Variants in SHQ1 observed in about 807,000 individuals in gnomAD.
The protein encoded by SHQ1 is protein SHQ1 homolog.
In SHQ1, 49 loss-of-function variants were observed where a neutral mutation model predicts 53.8. The ratio of observed to expected loss-of-function variants is 0.91; its 90% CI spans 0.72 to 1.16. The LOEUF (loss-of-function observed/expected upper bound fraction) is 1.16, where lower values mean the gene tolerates loss of function less well. Among genes scored for constraint, SHQ1 ranks in the 50% most tolerant of loss-of-function variants. The pLI is 0.00. For synonymous variants in SHQ1, 243 were observed against 251.0 expected (o/e 0.97, Z 0.30); for missense variants, 738 against 683.1 (o/e 1.08, Z -0.90).
intron 5 of SHQ1, among the ~76,000 whole-genome samples, chr3:72,827,502 C>T (rs1462598013): frequency 6.6e-6 from 1 of 151,968 alleles, no homozygotes; most frequent in Non-Finnish European, 1.5e-5. Context: ...AGAAAACTGG[C>T]TTGGTAACAT....
chr3:72,846,274 C>G, intron 1 of SHQ1: 1 of 1,534,766 alleles, frequency 6.5e-7, no homozygotes, highest in East Asian at 2.4e-5. Flanking sequence ...TTTTATTCAT[C>G]CTTGGTATAG....
At chr3:72,809,999 C>A (rs941662555) in intron 9 of SHQ1, 2 of 151,158 alleles carry the variant, frequency 1.3e-5, no homozygotes, top group Non-Finnish European at 2.9e-5. Context: ...TCTGAAGATA[C>A]ATTAGAAAAT....
chr3:72,738,860 C>A, the SHQ1 span, among the ~76,000 whole-genome samples: 5 of 152,146 alleles, frequency 3.3e-5, no homozygotes, highest in African/African-American at 7.2e-5. Context: ...GGCCCCGCCC[C>A]GCCCGGTCCG....
chr3:72,744,925 G>T (rs867763713), downstream of SHQ1, among the ~76,000 whole-genome samples: 10 of 119,016 alleles, frequency 8.4e-5, no homozygotes, highest in Admixed American at 2.5e-4. Flanking sequence ...TGATACATTG[G>T]GGGGGGGGGG....
intron 7 of SHQ1, among the ~76,000 whole-genome samples, chr3:72,816,624 A>G (rs1005510216): frequency 4.6e-5 from 7 of 152,200 alleles, no homozygotes; most frequent in Admixed American, 3.3e-4. Context: ...AACAAAGTCT[A>G]TATTATTTTT....
chr3:72,825,337 C>T (rs1024752170), intron 5 of SHQ1, among the ~76,000 whole-genome samples: 1 of 148,958 alleles, frequency 6.7e-6, no homozygotes, highest in Non-Finnish European at 1.5e-5. Flanking sequence ...GATACTGCAT[C>T]TCCACAAAGA....
chr3:72,839,880 C>T (rs1708113075), intron 4 of SHQ1, among the ~76,000 whole-genome samples: 1 of 151,930 alleles, frequency 6.6e-6, no homozygotes. Context: ...CCTGCCTCAG[C>T]CTCCTGAGTA....
chr3:72,803,573 C>T (rs1271069704), intron 9 of SHQ1, among the ~76,000 whole-genome samples: 3 of 152,198 alleles, frequency 2.0e-5, no homozygotes, highest in Non-Finnish European at 2.9e-5. Context: ...CGGCTCCCTA[C>T]AAAAGGGCTC....
At chr3:72,831,914 T>C (rs1707834609) in intron 5 of SHQ1, among the ~76,000 whole-genome samples, 1 of 152,236 alleles carries the variant, frequency 6.6e-6, no homozygotes, top group South Asian at 2.1e-4. Context: ...TGGAAACATA[T>C]CACTGATTAC....
chr3:72,782,332 T>C (rs1033438746), intron 10 of SHQ1, among the ~76,000 whole-genome samples: 2 of 152,200 alleles, frequency 1.3e-5, no homozygotes, highest in East Asian at 3.8e-4. Context: ...AACAATTTCC[T>C]TGAAAGCTGT....
chr3:72,833,516 AGATAGATGGAT>A (rs1559696416), intron 4 of SHQ1, among the ~76,000 whole-genome samples: 18 of 143,228 alleles, frequency 1.3e-4, no homozygotes, highest in African/African-American at 4.4e-4. Flanking sequence ...ACAGACAGAC[AGATAGATGGAT>A]GATAGACAGA....
intron 1 of SHQ1, among the ~76,000 whole-genome samples, chr3:72,847,794 G>C (rs943171402): frequency 2.6e-5 from 4 of 152,122 alleles, no homozygotes; most frequent in Admixed American, 2.6e-4. Context: ...AAGGACCGAC[G>C]GGTTGGGAAG....
chr3:72,818,852 A>C (rs912308040), intron 6 of SHQ1, among the ~76,000 whole-genome samples: 1 of 152,204 alleles, frequency 6.6e-6, no homozygotes, highest in African/African-American at 2.4e-5. Context: ...CTAAGATCTA[A>C]GAGTGGCCCC....
At chr3:72,814,220 A>G (rs1707232827) in intron 8 of SHQ1, among the ~76,000 whole-genome samples, 1 of 152,244 alleles carries the variant, frequency 6.6e-6, no homozygotes, top group Non-Finnish European at 1.5e-5. Flanking sequence ...TTTAATAACT[A>G]TACTACAAAA....
chr3:72,826,275 T>C (rs1707653164), intron 5 of SHQ1, among the ~76,000 whole-genome samples: 1 of 152,238 alleles, frequency 6.6e-6, no homozygotes, highest in African/African-American at 2.4e-5. Context: ...CTTCATAAAC[T>C]AATCCTGCTA....
intron 10 of SHQ1, chr3:72,772,993 C>A: frequency 8.6e-7 from 1 of 1,168,650 alleles, no homozygotes; most frequent in Non-Finnish European, 1.3e-6. Context: ...AGAAGATACT[C>A]AAAGTTCCAA....
In SHQ1 at chr3:72,847,559, A is replaced by T. The variant is rs1053718341; in HGVS notation, c.143+639T>A. 5.3e-5 allele frequency among the ~76,000 whole-genome samples: 8 copies of T among 152,200 alleles called. No individual in the cohort carries two copies. In the South Asian group the frequency reaches 1.7e-3, roughly 32 times the overall value. ...CTGCTACCAAGGTTACGATTCTGCA[A>T]GGAGAATAATTTAAACAGATCAAGT... On this transcript the variant is annotated intron_variant, in intron 1 of 10. Coordinates refer to ENST00000325599, the MANE Select transcript of SHQ1 (RefSeq NM_018130.3).
At chr3:72,729,711 C>T in the SHQ1 span, among the ~76,000 whole-genome samples, 1 of 152,120 alleles carries the variant, frequency 6.6e-6, no homozygotes, top group East Asian at 1.9e-4. Context: ...AAAGCACAGC[C>T]AATAGCATTA....
At chr3:72,726,914 C>A in the SHQ1 span, among the ~76,000 whole-genome samples, 2 of 152,066 alleles carry the variant, frequency 1.3e-5, no homozygotes, top group Non-Finnish European at 2.9e-5. Context: ...GTGTTATAGG[C>A]AAAAATCGTA....
Sources: gnomAD v4.1 joint callset for allele counts (sites outside exome capture counted in the v4.1 genomes callset) on GRCh38, gnomAD v4.1.1 for gene constraint, MANE v1.5 for transcripts, NCBI Gene and HGNC (gene_info 2026-07-23, HGNC 2026-07-21) for gene names.